RERE: variants seen among roughly 807,000 people sequenced by gnomAD.
RERE encodes arginine-glutamic acid dipeptide repeats protein.
RERE carries 40 observed loss-of-function variants against 146.1 expected under a neutral mutation model. The observed-to-expected ratio is 0.27, with a 90% CI of 0.21 to 0.36. RERE has a LOEUF of 0.36. Ranked by LOEUF, RERE falls within the 10% of genes least tolerant of loss-of-function variation. The probability of loss-of-function intolerance (pLI) is 1.00; values close to 1 mark genes in which losing one functional copy is unlikely to be tolerated. For synonymous variants in RERE, 1,003 were observed against 866.0 expected, an observed-to-expected ratio of 1.16 and a Z score of -2.78; for missense variants, 1,933 against 2,138.7, an observed-to-expected ratio of 0.90 and a Z score of 1.90.
chr1:8,456,305 A>G (rs563046974), intron 11 of RERE, among the ~76,000 whole-genome samples: 1 of 152,306 alleles, frequency 6.6e-6, no homozygotes, highest in South Asian at 2.1e-4. Context: ...AACAAGAGTA[A>G]TGACTGCTCC....
rs185939587 is a variant in RERE, at chr1:8,580,737, G to T, written c.523-23214C>A. Among the ~76,000 whole-genome samples, 5 of 152,208 alleles carry T rather than the reference G, an allele frequency of 3.3e-5. No individual in the cohort carries two copies. The East Asian group carries it at 9.7e-4, about 29-fold the overall frequency. Reference sequence around the variant, plus strand: ...CTAGCTAGCTATTTTTGGAGACAGGGTCTCACTGTGTCGCTCAGACTGGAG... The same window carrying T: ...CTAGCTAGCTATTTTTGGAGACAGGTTCTCACTGTGTCGCTCAGACTGGAG... On this transcript the variant is annotated intron_variant, in intron 4 of 22. Coordinates refer to ENST00000400908, the MANE Select transcript of RERE (RefSeq NM_001042681.2).
At chr1:8,386,223 T>G (rs542607736) in intron 12 of RERE, among the ~76,000 whole-genome samples, 1 of 150,832 alleles carries the variant, frequency 6.6e-6, no homozygotes, top group South Asian at 2.1e-4. Flanking sequence ...CCTCCAAATT[T>G]TTCTTTAGAA....
intron 8 of RERE, among the ~76,000 whole-genome samples, chr1:8,506,735 A>C (rs1385787590): frequency 1.3e-5 from 2 of 152,192 alleles, no homozygotes; most frequent in Non-Finnish European, 2.9e-5. Flanking sequence ...CTGCTGGGGA[A>C]ATTTTCCTTG....
chr1:8,613,886 AG>A (rs1646820388), intron 4 of RERE, among the ~76,000 whole-genome samples: 1 of 152,088 alleles, frequency 6.6e-6, no homozygotes, highest in South Asian at 2.1e-4. Context: ...TCCTAAAAAA[AG>A]GGAGATGTAC....
intron 1 of RERE, among the ~76,000 whole-genome samples, chr1:8,721,821 A>G (rs895912138): frequency 1.3e-5 from 2 of 152,202 alleles, no homozygotes; most frequent in Non-Finnish European, 2.9e-5. Context: ...GCTAACCTCA[A>G]AACTCAAAAC....
intron 2 of RERE, among the ~76,000 whole-genome samples, chr1:8,645,317 A>G (rs1441573231): frequency 6.6e-6 from 1 of 152,198 alleles, no homozygotes; most frequent in African/African-American, 2.4e-5. Context: ...CTTGAACTGC[A>G]TGCATCATAT....
chr1:8,603,473 A>C (rs1646659058), intron 4 of RERE, among the ~76,000 whole-genome samples: 2 of 152,254 alleles, frequency 1.3e-5, no homozygotes, highest in Admixed American at 1.3e-4. Context: ...AGTAACAGTT[A>C]CATCACAAGC....
At chr1:8,381,226 T>C (rs1356455752) in intron 12 of RERE, 5 of 349,274 alleles carry the variant, frequency 1.4e-5, no homozygotes, top group Non-Finnish European at 2.8e-5. Context: ...TATCAAGTTA[T>C]GTCTATAACA....
rs772091996 is a variant in RERE at position 8,354,667 on chromosome 1, T to C, written c.*420A>G. 8.9e-5 allele frequency: 15 copies of C among 168,530 alleles called. No homozygotes were observed. The highest frequency in any genetic ancestry group is 1.5e-4 in the Non-Finnish European group (12 of 79,254). 10.4% of individuals were successfully genotyped at this position (168,530 alleles called of 1,614,324 possible). On this transcript the variant is annotated 3_prime_UTR_variant, in exon 23 of 23. Coordinates refer to ENST00000400908, the MANE Select transcript of RERE (RefSeq NM_001042681.2). ...TTATAGCTCTTGGATTCCAAATTCC[T>C]ATGCCCCCGATCTGCAAGCCTCGTG...
chr1:8,589,359 G>C (rs1646465144), intron 4 of RERE, among the ~76,000 whole-genome samples: 1 of 152,060 alleles, frequency 6.6e-6, no homozygotes. Context: ...AGAATCAGTT[G>C]AATCTGGGAG....
At chr1:8,577,175 A>G (rs1394299404) in intron 4 of RERE, among the ~76,000 whole-genome samples, 2 of 151,920 alleles carry the variant, frequency 1.3e-5, no homozygotes, top group African/African-American at 4.8e-5. Context: ...AAAAAAAAAA[A>G]GATGAAAGAA....
intron 5 of RERE, 88 bp from the exon 6 acceptor site, chr1:8,556,659 C>T (rs1156991658): frequency 1.3e-6 from 1 of 795,250 alleles, no homozygotes; most frequent in South Asian, 1.4e-5. Context: ...TCACGTTTAC[C>T]ACCCACTAAA....
intron 1 of RERE, among the ~76,000 whole-genome samples, chr1:8,808,325 T>C (rs1252190888): frequency 6.6e-6 from 1 of 152,138 alleles, no homozygotes; most frequent in Non-Finnish European, 1.5e-5. Context: ...AATTGGTACC[T>C]CAAAGAGAAT....
Position 8,361,002 on chromosome 1 carries a change from C to G in RERE, c.2505G>C (p.Gln835His). 1 of 1,437,090 alleles carries G rather than the reference C, an allele frequency of 7.0e-7. No homozygotes were observed. Among genetic ancestry groups the G allele is most frequent in the Middle Eastern group, 2.0e-4 (1 of 5,072 alleles). The allele number at this position is 1,437,090 out of a possible 1,614,324, so 89.0% of individuals were successfully genotyped here. A position where few individuals can be genotyped will look rare whatever the true frequency, so the allele number is the denominator to read the frequency against. The change falls in exon 18 of 23, where the codon CAG becomes CAC. Residue 835 changes from glutamine (Q) to histidine (H), a missense_variant. Gln to His is a conservative substitution (Grantham distance 24). This residue lies in a region of RERE where 1,255 missense variants were observed against 1,153.8 expected (regional missense o/e 1.09). Transcript: ENST00000400908. The part of the protein sequence containing the change: ...PLQPLTGSAG[Q>H]PSAPSHAQPP... ...GCTGGGCATGAGAGGGTGCAGAAGG[C>G]TGGCCCGCCGACCCAGTCAGAGGCT...
At chr1:8,780,970 G>A (rs986657968) in intron 1 of RERE, among the ~76,000 whole-genome samples, 6 of 151,614 alleles carry the variant, frequency 4.0e-5, no homozygotes, top group African/African-American at 1.2e-4. Flanking sequence ...GTCTGTAATC[G>A]CAGCACTCTG....
Position 8,364,905 on chromosome 1 carries a change from T to TGGGGG in RERE, c.1448-68_1448-67insCCCCC. 1 of 16,748 alleles carries TGGGGG rather than the reference T, an allele frequency of 6.0e-5. No individual in the cohort carries two copies. Among genetic ancestry groups the TGGGGG allele is most frequent in the Non-Finnish European group, 1.2e-4 (1 of 8,272 alleles). 1.0% of individuals were successfully genotyped at this position (16,748 alleles called of 1,614,324 possible). ...TCATGCTCAGCCAAGGCTGGGCCGG[T>TGGGGG]GGGGTGGGGGGGAGGGGGGAACACC... On this transcript the variant is annotated intron_variant, in intron 13 of 22. Coordinates refer to ENST00000400908, the MANE Select transcript of RERE (RefSeq NM_001042681.2). The surrounding 1 kb of genome is among the most constrained non-coding windows in gnomAD (Gnocchi z 5.1).
intron 11 of RERE, among the ~76,000 whole-genome samples, chr1:8,431,478 A>G (rs1644095181): frequency 6.6e-6 from 1 of 152,184 alleles, no homozygotes; most frequent in African/African-American, 2.4e-5. Flanking sequence ...GGAGTTGTAT[A>G]ATTAATTCAT....
rs77386123 is a variant in RERE at position 8,565,062 on chromosome 1, G to A, written c.523-7539C>T. 8.0e-3 allele frequency among the ~76,000 whole-genome samples: 1,213 copies of A among 152,118 alleles called. 13 individuals carry two copies. Among genetic ancestry groups the A allele is most frequent in the African/African-American group, 0.028 (1,159 of 41,480 alleles). On this transcript the variant is annotated intron_variant, in intron 4 of 22. Coordinates refer to ENST00000400908, the MANE Select transcript of RERE (RefSeq NM_001042681.2). Reference sequence around the variant, plus strand: ...AGAAGTGAAGAGAAGTGGTTACAGAGGCTGGGCAGTGGGGGGAATGGGGAG... The same window carrying A: ...AGAAGTGAAGAGAAGTGGTTACAGAAGCTGGGCAGTGGGGGGAATGGGGAG...
intron 4 of RERE, among the ~76,000 whole-genome samples, chr1:8,568,638 C>T (rs879559762): frequency 6.6e-6 from 1 of 152,162 alleles, no homozygotes; most frequent in Non-Finnish European, 1.5e-5. Context: ...AGCACAAAGC[C>T]CTCCCCAGAG....
Sources: allele counts gnomAD v4.1 joint callset (sites outside exome capture counted in the v4.1 genomes callset), GRCh38; gene constraint gnomAD v4.1.1; regional missense constraint gnomAD v4.1.1; non-coding constraint Gnocchi (gnomAD v3.1); transcripts MANE v1.5; gene names NCBI Gene and HGNC (gene_info 2026-07-23, HGNC 2026-07-21).